GALNT13: variants seen among roughly 807,000 people sequenced by gnomAD.
The protein encoded by GALNT13 is polypeptide N-acetylgalactosaminyltransferase 13.
A neutral mutation model predicts 64.2 loss-of-function variants in GALNT13; 28 were observed. The ratio of observed to expected loss-of-function variants is 0.44; its 90% CI spans 0.32 to 0.60. GALNT13 has a LOEUF of 0.60. GALNT13 is among the 20% of genes least tolerant of loss of function. The probability of loss-of-function intolerance (pLI) is 0.05; values close to 1 mark genes in which losing one functional copy is unlikely to be tolerated. For synonymous variants in GALNT13, 214 were observed against 224.6 expected (o/e 0.95, Z 0.42); for missense variants, 577 against 669.8 (o/e 0.86, Z 1.53).
intron 3 of GALNT13, among the ~76,000 whole-genome samples, chr2:154,026,099 G>A (rs1697943636): frequency 3.3e-5 from 5 of 152,170 alleles, no homozygotes; most frequent in Admixed American, 3.3e-4. Context: ...TTATATAACA[G>A]TAGAAGATTT....
the GALNT13 span, among the ~76,000 whole-genome samples, chr2:153,706,231 G>A: frequency 4.6e-5 from 7 of 152,124 alleles, no homozygotes; most frequent in South Asian, 2.1e-4. Context: ...TCCTCACCTC[G>A]TGATCCACCC....
At chr2:154,241,000 G>A (rs1573938424) in intron 4 of GALNT13, among the ~76,000 whole-genome samples, 1 of 152,150 alleles carries the variant, frequency 6.6e-6, no homozygotes, top group Non-Finnish European at 1.5e-5. Context: ...TCAATGGCTT[G>A]CTGGCTTGCC....
At chr2:153,870,288 A>T (rs1421247661), upstream of GALNT13, among the ~76,000 whole-genome samples, 1 of 152,210 alleles carries the variant, frequency 6.6e-6, no homozygotes, top group Non-Finnish European at 1.5e-5. Flanking sequence ...CCTAAGTTAA[A>T]TATTATCACA....
intron 4 of GALNT13, among the ~76,000 whole-genome samples, chr2:154,211,651 A>AG (rs1363326228): frequency 2.0e-5 from 3 of 147,908 alleles, no homozygotes; most frequent in Non-Finnish European, 4.5e-5. Context: ...AAAAAAAAAA[A>AG]AAAAGAAAAG....
the GALNT13 span, among the ~76,000 whole-genome samples, chr2:153,529,925 C>T: frequency 5.3e-5 from 8 of 152,074 alleles, no homozygotes; most frequent in East Asian, 1.2e-3. Context: ...GAAATAGACA[C>T]ACAGCTAGTA....
chr2:154,367,136 T>C (rs1697413410), intron 9 of GALNT13, among the ~76,000 whole-genome samples: 2 of 148,370 alleles, frequency 1.3e-5, no homozygotes, highest in Admixed American at 1.4e-4. Flanking sequence ...GTGTAGAGAG[T>C]TTCTGGTTAT....
the GALNT13 span, among the ~76,000 whole-genome samples, chr2:153,790,598 C>A: frequency 2.6e-5 from 4 of 152,186 alleles, no homozygotes; most frequent in Non-Finnish European, 4.4e-5. Context: ...GAAGCCCTGA[C>A]CAGAGCAATC....
chr2:154,456,174 T>TTTTTG (rs1477414950), downstream of GALNT13, among the ~76,000 whole-genome samples: 38 of 112,618 alleles, frequency 3.4e-4, no homozygotes, highest in African/African-American at 1.2e-3. Flanking sequence ...ATTTCAGCTT[T>TTTTTG]TTTTGTTTTG....
At chr2:153,824,791 C>G in the GALNT13 span, among the ~76,000 whole-genome samples, 1 of 152,068 alleles carries the variant, frequency 6.6e-6, no homozygotes, top group African/African-American at 2.4e-5. Context: ...ATAGACTTCT[C>G]ACGAGATCTG....
chr2:153,248,637 C>T, the GALNT13 span, among the ~76,000 whole-genome samples: 7 of 151,340 alleles, frequency 4.6e-5, no homozygotes, highest in East Asian at 3.9e-4. Context: ...CACGGTGAAA[C>T]GCCATCTCTA....
intron 9 of GALNT13, among the ~76,000 whole-genome samples, chr2:154,347,061 G>C (rs910423485): frequency 1.3e-5 from 2 of 151,998 alleles, no homozygotes; most frequent in Non-Finnish European, 2.9e-5. Flanking sequence ...AAATTGGAAA[G>C]TTAGGGAAAA....
chr2:154,160,621 G>A (rs967554408), intron 4 of GALNT13, among the ~76,000 whole-genome samples: 2 of 151,122 alleles, frequency 1.3e-5, no homozygotes, highest in African/African-American at 4.9e-5. Context: ...ATAACCCAAG[G>A]CATTACTTCA....
the GALNT13 span, among the ~76,000 whole-genome samples, chr2:153,688,365 G>T: frequency 6.6e-6 from 1 of 151,974 alleles, no homozygotes; most frequent in Non-Finnish European, 1.5e-5. Flanking sequence ...ATTATGTTCT[G>T]TGTGACTTTT....
chr2:153,972,270 A>G (rs1174425710), intron 3 of GALNT13, among the ~76,000 whole-genome samples: 1 of 152,060 alleles, frequency 6.6e-6, no homozygotes, highest in Non-Finnish European at 1.5e-5. Context: ...CAATTTTTCA[A>G]ATGTTCCACA....
Position 154,336,500 on chromosome 2 carries a change from G to A in GALNT13, c.1156+34911G>A, listed in dbSNP as rs193287657. Among the ~76,000 whole-genome samples, 371 of 152,158 alleles carry A rather than the reference G, an allele frequency of 2.4e-3. 1 individual carries two copies. The highest frequency in any genetic ancestry group is 8.1e-3 in the South Asian group (39 of 4,828). ...CATTTCATTTAGAATCTCCTATGAA[G>A]CATGGAAAGAAATGCAAAGTTACTG... On this transcript the variant is annotated intron_variant, in intron 9 of 12. Coordinates refer to ENST00000392825, the MANE Select transcript of GALNT13 (RefSeq NM_052917.4).
intron 3 of GALNT13, among the ~76,000 whole-genome samples, chr2:153,980,369 GA>G (rs1380521861): frequency 6.6e-6 from 1 of 152,086 alleles, no homozygotes; most frequent in African/African-American, 2.4e-5. Flanking sequence ...GGGTGGGAAG[GA>G]AGACCCGTTA....
At chr2:153,825,204 A>G in the GALNT13 span, among the ~76,000 whole-genome samples, 1 of 152,206 alleles carries the variant, frequency 6.6e-6, no homozygotes, top group African/African-American at 2.4e-5. Flanking sequence ...GTTGAAGTCA[A>G]AGATGCTGCT....
In GALNT13 at chr2:154,259,405, A is replaced by G. The variant is rs1231454325; in HGVS notation, c.975+267A>G. On this transcript the variant is annotated intron_variant, in intron 8 of 12. Coordinates refer to ENST00000392825, the MANE Select transcript of GALNT13 (RefSeq NM_052917.4). Reference sequence around the variant, plus strand: ...CATTAGGACTTTCAATTGCTGAAATAAAGAAGGGTTTTATTTTTTAATAAC... The same window carrying G: ...CATTAGGACTTTCAATTGCTGAAATGAAGAAGGGTTTTATTTTTTAATAAC... Among the ~76,000 whole-genome samples, 7 of 152,338 alleles carry G rather than the reference A, an allele frequency of 4.6e-5. No homozygotes were observed. In the East Asian group the frequency reaches 1.3e-3, roughly 29 times the overall value.
chr2:153,627,202 G>A, the GALNT13 span, among the ~76,000 whole-genome samples: 4 of 152,004 alleles, frequency 2.6e-5, no homozygotes, highest in African/African-American at 9.7e-5. Flanking sequence ...GATGGAAAAA[G>A]CCTTTGTCCT....
Sources: allele counts gnomAD v4.1 joint callset (sites outside exome capture counted in the v4.1 genomes callset), GRCh38; gene constraint gnomAD v4.1.1; transcripts MANE v1.5; gene names NCBI Gene and HGNC (gene_info 2026-07-23, HGNC 2026-07-21).